Variants in MID1 observed in about 807,000 individuals in gnomAD.
MID1 encodes the protein midline 1, also known as E3 ubiquitin-protein ligase Midline-1.
Under a neutral mutation model 40.4 loss-of-function variants are expected in MID1, and 7 were observed. The observed-to-expected ratio is 0.17, with a 90% CI of 0.10 to 0.33. The LOEUF is 0.33. Ranked by LOEUF, MID1 falls within the 10% of genes least tolerant of loss-of-function variation. The pLI is 1.00. For synonymous variants in MID1, 229 were observed against 221.2 expected, an observed-to-expected ratio of 1.04 and a Z score of -0.31; for missense variants, 367 against 558.5, an observed-to-expected ratio of 0.66 and a Z score of 3.46.
intron 1 of MID1, among the ~76,000 whole-genome samples, chrX:10,613,768 GAC>G (rs1386033787): frequency 0.01 from 785 of 76,272 alleles, 8 homozygotes; most frequent in African/African-American, 0.03. Context: ...GAGAGAGAGA[GAC>G]AGACAGACAG....
At chrX:10,451,299 T>G (rs917704450) in intron 9 of MID1, among the ~76,000 whole-genome samples, 4 of 111,342 alleles carry the variant, frequency 3.6e-5, no homozygotes, top group African/African-American at 1.3e-4. Context: ...GATCCAGAAG[T>G]GCTTAGAGGA....
intron 1 of MID1, among the ~76,000 whole-genome samples, chrX:10,827,813 G>A (rs764892754): frequency 9.0e-6 from 1 of 110,649 alleles, no homozygotes; most frequent in Non-Finnish European, 1.9e-5. Flanking sequence ...AAAGTATGTC[G>A]GCACGGTGCA....
chrX:10,769,253 T>C, intron 1 of MID1, among the ~76,000 whole-genome samples: 1 of 111,088 alleles, frequency 9.0e-6, no homozygotes, highest in East Asian at 2.8e-4. Flanking sequence ...CTAAACCCTC[T>C]TTATCCTACC....
At chrX:10,795,784 T>A (rs1050959188) in intron 1 of MID1, among the ~76,000 whole-genome samples, 2 of 112,378 alleles carry the variant, frequency 1.8e-5, no homozygotes. Context: ...GAACTAGCCC[T>A]GGCATTGGCC....
Position 10,760,201 on chromosome X carries a change from G to C in MID1, c.-187+73353C>G, listed in dbSNP as rs2043667212. ...GGCAGGTGAAGGCTTGCACTCGGGG[G>C]GAAGTAAGAGAGCACACTGCCTTTT... is the stretch of plus-strand genomic sequence containing the variant. On this transcript the variant is annotated intron_variant, in intron 1 of 10. Transcript: ENST00000380785. Among the ~76,000 whole-genome samples, 3 of 111,648 alleles carry C rather than the reference G, an allele frequency of 2.7e-5. No individual in the cohort carries two copies. The South Asian group carries it at 1.1e-3, about 42-fold the overall frequency.
chrX:10,584,831 A>G (rs7878280), intron 1 of MID1, among the ~76,000 whole-genome samples: 14,094 of 110,998 alleles, frequency 0.13, 1,716 homozygotes, highest in African/African-American at 0.38. Flanking sequence ...CTCAGACACC[A>G]AGTTAAAGAC....
At chrX:10,491,167 A>T (rs12841826) in intron 4 of MID1, among the ~76,000 whole-genome samples, 14,060 of 111,433 alleles carry the variant, frequency 0.13, 913 homozygotes, top group Middle Eastern at 0.22. Context: ...TGTCTCTGTC[A>T]CACATATATT....
chrX:10,732,863 C>CTTTTT (rs34772528), intron 1 of MID1, among the ~76,000 whole-genome samples: 1 of 55,585 alleles, frequency 1.8e-5, no homozygotes, highest in Non-Finnish European at 3.6e-5. Context: ...TCTTCTTCTT[C>CTTTTT]TTTTTTTTTT....
chrX:10,471,753 C>T (rs1015849984), intron 6 of MID1, among the ~76,000 whole-genome samples: 5 of 112,184 alleles, frequency 4.5e-5, no homozygotes, highest in Non-Finnish European at 9.4e-5. Context: ...ACAATTTAAA[C>T]AGTTCATTGA....
At chrX:10,562,239 G>A (rs187023851) in intron 2 of MID1, among the ~76,000 whole-genome samples, 2 of 103,447 alleles carry the variant, frequency 1.9e-5, no homozygotes, top group Admixed American at 2.0e-4. Flanking sequence ...GGCGAGCGGG[G>A]GAGAGCATTA....
chrX:10,717,619 C>T (rs957606589), intron 1 of MID1, among the ~76,000 whole-genome samples: 9 of 110,370 alleles, frequency 8.2e-5, no homozygotes, highest in Non-Finnish European at 1.7e-4. Context: ...ACCCCACTGT[C>T]AACATTAGAC....
At chrX:10,555,483 C>T (rs1327345213) in intron 2 of MID1, among the ~76,000 whole-genome samples, 1 of 111,231 alleles carries the variant, frequency 9.0e-6, no homozygotes, top group Non-Finnish European at 1.9e-5. Flanking sequence ...TCTATATATT[C>T]TTATTACATG....
chrX:10,625,564 G>A (rs1386963076), upstream of MID1, among the ~76,000 whole-genome samples: 6 of 111,994 alleles, frequency 5.4e-5, no homozygotes, highest in South Asian at 7.5e-4. Flanking sequence ...GTAGAAGGCC[G>A]TCTTCTTTAT....
chrX:10,529,619 C>T (rs1249740962), intron 2 of MID1, among the ~76,000 whole-genome samples: 1 of 111,826 alleles, frequency 8.9e-6, no homozygotes, highest in Non-Finnish European at 1.9e-5. Flanking sequence ...ACTTTCCCCA[C>T]TCCTGTGCTG....
At chrX:10,817,891 T>A (rs191442028) in intron 1 of MID1, among the ~76,000 whole-genome samples, 11 of 111,466 alleles carry the variant, frequency 9.9e-5, no homozygotes, top group African/African-American at 3.6e-4. Flanking sequence ...AGTGCTGGGG[T>A]AACAGGCATG....
chrX:10,612,443 C>T (rs887215889), intron 1 of MID1, among the ~76,000 whole-genome samples: 2 of 111,985 alleles, frequency 1.8e-5, no homozygotes, highest in African/African-American at 6.5e-5. Context: ...TTTTACCTTC[C>T]TGCACTATTT....
chrX:10,459,537 G>T, intron 8 of MID1, 109 bp downstream of exon 8: 1 of 852,911 alleles, frequency 1.2e-6, no homozygotes. Flanking sequence ...TTGTTTTGGG[G>T]GGCTGTCAAT....
At chrX:10,508,315 T>A (rs1053673662) in intron 3 of MID1, among the ~76,000 whole-genome samples, 7 of 112,712 alleles carry the variant, frequency 6.2e-5, no homozygotes, top group African/African-American at 2.3e-4. Context: ...TGAATTGAGA[T>A]GTGCTGTGAA....
At chrX:10,750,013 G>T (rs917083376) in intron 1 of MID1, among the ~76,000 whole-genome samples, 2 of 111,489 alleles carry the variant, frequency 1.8e-5, no homozygotes, top group Non-Finnish European at 3.8e-5. Context: ...CTACCCACTG[G>T]TTCCCAAAGC....
Sources: allele counts gnomAD v4.1 joint callset (sites outside exome capture counted in the v4.1 genomes callset), GRCh38; gene constraint gnomAD v4.1.1; transcripts MANE v1.5; gene names NCBI Gene and HGNC (gene_info 2026-07-23, HGNC 2026-07-21).